FGFR2: variants seen among roughly 807,000 people sequenced by gnomAD.
FGFR2 encodes the protein fibroblast growth factor receptor 2.
FGFR2 carries 19 observed loss-of-function variants against 95.9 expected under a neutral mutation model. The observed-to-expected ratio is 0.20, with a 90% CI of 0.14 to 0.29. The LOEUF is 0.29. Ranked by LOEUF, FGFR2 falls within the 10% of genes least tolerant of loss-of-function variation. The pLI, the probability that FGFR2 is intolerant of heterozygous loss-of-function variation, is 1.00. For synonymous variants in FGFR2, 392 were observed against 393.3 expected (o/e 1.00, Z 0.04); for missense variants, 707 against 1,056.9 (o/e 0.67, Z 4.59).
At chr10:121,544,362 C>A (rs570494114) in intron 5 of FGFR2, among the ~76,000 whole-genome samples, 2 of 150,474 alleles carry the variant, frequency 1.3e-5, no homozygotes, top group African/African-American at 4.9e-5. Flanking sequence ...GAAAATCGCT[C>A]GAACCTGGGA....
At chr10:121,513,999 C>T (rs768849581) in intron 9 of FGFR2, among the ~76,000 whole-genome samples, 17 of 152,076 alleles carry the variant, frequency 1.1e-4, no homozygotes, top group Non-Finnish European at 2.5e-4. Context: ...GAGAGGCATG[C>T]CTGGAATTAA....
rs534549606 is a variant in FGFR2, at chr10:121,515,531, T to C, written c.1085-212A>G. The stretch of plus-strand genomic sequence containing the variant: ...AGGTAGTCACTGTCACTAGCCTCAG[T>C]GGGCACCTGCAATCCAGTGAGTGGT... On this transcript the variant is annotated intron_variant, in intron 8 of 17. Coordinates refer to ENST00000358487, the MANE Select transcript of FGFR2 (RefSeq NM_000141.5). 6.6e-5 allele frequency among the ~76,000 whole-genome samples: 10 copies of C among 152,204 alleles called. No homozygotes were observed. The East Asian group carries it at 1.9e-3, about 29-fold the overall frequency.
chr10:121,592,599 T>C (rs1305769056), intron 2 of FGFR2, among the ~76,000 whole-genome samples: 1 of 152,166 alleles, frequency 6.6e-6, no homozygotes, highest in Non-Finnish European at 1.5e-5. Context: ...TCATCTCAGA[T>C]GGACGCAACC....
chr10:121,580,889 G>T (rs918148216), intron 2 of FGFR2, among the ~76,000 whole-genome samples: 1 of 149,868 alleles, frequency 6.7e-6, no homozygotes, highest in African/African-American at 2.4e-5. Flanking sequence ...CATTCAGAGG[G>T]AAGCTTTAGA....
At chr10:121,582,706 C>T (rs1319506697) in intron 2 of FGFR2, among the ~76,000 whole-genome samples, 1 of 152,134 alleles carries the variant, frequency 6.6e-6, no homozygotes, top group Non-Finnish European at 1.5e-5. Context: ...TCGCTTGAAC[C>T]CGCGAGGCAG....
intron 6 of FGFR2, among the ~76,000 whole-genome samples, chr10:121,530,052 C>G (rs2134460104): frequency 6.6e-6 from 1 of 152,284 alleles, no homozygotes; most frequent in South Asian, 2.1e-4. Flanking sequence ...CCTTGGCCAT[C>G]TATTTCCCAC....
intron 2 of FGFR2, among the ~76,000 whole-genome samples, chr10:121,585,055 T>C (rs541086039): frequency 1.6e-4 from 24 of 152,318 alleles, no homozygotes; most frequent in African/African-American, 4.3e-4. Flanking sequence ...TTTTGTATTT[T>C]GAAGCTTCAA....
In FGFR2 at chr10:121,560,471, C is replaced by T. The variant is rs182871194; in HGVS notation, c.454+4031G>A. ...CTACTAAAAAATACAAAAAATTAGC[C>T]GGGTGTGGTGGTGGGCACCTGTAGT... On this transcript the variant is annotated intron_variant, in intron 4 of 17. Coordinates refer to ENST00000358487, the MANE Select transcript of FGFR2 (RefSeq NM_000141.5). 3.6e-3 allele frequency among the ~76,000 whole-genome samples: 549 copies of T among 151,674 alleles called. 2 individuals are homozygous for T. Among genetic ancestry groups the T allele is most frequent in the Non-Finnish European group, 6.0e-3 (410 of 67,894 alleles).
chr10:121,481,996 C>T, intron 17 of FGFR2: 1 of 503,280 alleles, frequency 2.0e-6, no homozygotes, highest in Non-Finnish European at 3.6e-6. Context: ...CACCAACACG[C>T]CCGGCTAATT....
At chr10:121,588,515 A>C (rs1862165445) in intron 2 of FGFR2, among the ~76,000 whole-genome samples, 1 of 152,194 alleles carries the variant, frequency 6.6e-6, no homozygotes, top group South Asian at 2.1e-4. Context: ...TAGCAACACC[A>C]AGCATTTCAA....
At chr10:121,537,666 C>A (rs145033080) in intron 6 of FGFR2, among the ~76,000 whole-genome samples, 5 of 152,132 alleles carry the variant, frequency 3.3e-5, no homozygotes, top group African/African-American at 1.2e-4. Flanking sequence ...TGAGTGTGAA[C>A]TGAGTTGAGT....
intron 9 of FGFR2, among the ~76,000 whole-genome samples, chr10:121,513,084 G>T (rs1231355447): frequency 6.6e-6 from 1 of 152,108 alleles, no homozygotes; most frequent in Non-Finnish European, 1.5e-5. Context: ...TAGTCAGGCT[G>T]GATGGTCTCG....
intron 4 of FGFR2, among the ~76,000 whole-genome samples, chr10:121,553,286 A>T (rs1354959841): frequency 1.3e-5 from 2 of 152,184 alleles, no homozygotes; most frequent in Non-Finnish European, 2.9e-5. Flanking sequence ...ACAGGGGCTG[A>T]ATTCCTTCCT....
intron 6 of FGFR2, chr10:121,537,853 TTAGCAA>T (rs1853085348): frequency 6.3e-6 from 1 of 158,418 alleles, no homozygotes. Flanking sequence ...GTTCCATATG[TTAGCAA>T]TCCTCCAAGA....
Position 121,500,610 on chromosome 10 carries a change from G to A in FGFR2, c.1561+216C>T, listed in dbSNP as rs559615865. Among the ~76,000 whole-genome samples the A allele has an allele frequency of 7.8e-4, 119 of 152,264 alleles. 2 individuals carry two copies. Among genetic ancestry groups the A allele is most frequent in the African/African-American group, 2.7e-3 (112 of 41,552 alleles). ...GAATAACTCTATGTAGGAGGCTACC[G>A]CTTTCTAACAAAACTGGCTTTTCTT... is the stretch of plus-strand genomic sequence containing the variant. On this transcript the variant is annotated intron_variant, in intron 11 of 17. Transcript: ENST00000358487.
At chr10:121,568,860 G>A (rs962568813) in intron 2 of FGFR2, among the ~76,000 whole-genome samples, 2 of 152,158 alleles carry the variant, frequency 1.3e-5, no homozygotes, top group African/African-American at 4.8e-5. Flanking sequence ...AGGGGACAGC[G>A]AGGACCTGTG....
intron 6 of FGFR2, 42 bp downstream of exon 6, chr10:121,538,550 T>C: frequency 6.2e-7 from 1 of 1,614,078 alleles, no homozygotes; most frequent in Non-Finnish European, 8.5e-7. Context: ...CAAGCAAGAA[T>C]GGGCTGGTAT....
rs950114415 is a variant in FGFR2, at chr10:121,485,187, C to T, written c.2195+208G>A. Among the ~76,000 whole-genome samples, 1 of 152,144 alleles carries T rather than the reference C, an allele frequency of 6.6e-6. No homozygotes were observed. On this transcript the variant is annotated intron_variant, in intron 16 of 17. Coordinates refer to ENST00000358487, the MANE Select transcript of FGFR2 (RefSeq NM_000141.5). The surrounding 1 kb of genome is among the most constrained non-coding windows in gnomAD (Gnocchi z 4.2). The stretch of plus-strand genomic sequence containing the variant: ...CCTCTGATCCAAAGCCCTCTCCATA[C>T]TCAGAATAATGTTCTTTCTCTCAGA...
chr10:121,488,907 A>C (rs1845773023), intron 13 of FGFR2, among the ~76,000 whole-genome samples: 1 of 152,192 alleles, frequency 6.6e-6, no homozygotes, highest in Non-Finnish European at 1.5e-5. Context: ...CAAACATTCT[A>C]ATCTGTGTTC....
Sources: allele counts gnomAD v4.1 joint callset (sites outside exome capture counted in the v4.1 genomes callset), GRCh38; gene constraint gnomAD v4.1.1; non-coding constraint Gnocchi (gnomAD v3.1); transcripts MANE v1.5; gene names NCBI Gene and HGNC (gene_info 2026-07-23, HGNC 2026-07-21).